The following PCCA variants were observed in gnomAD, a reference collection of about 807,000 sequenced individuals.
The protein encoded by PCCA is propionyl-CoA carboxylase subunit alpha.
PCCA carries 74 observed loss-of-function variants against 101.3 expected under a neutral mutation model. That is an observed-to-expected ratio of 0.73 (90% CI 0.61 to 0.89). The LOEUF is 0.89. Among genes scored for constraint, PCCA ranks in the 40% least tolerant of loss-of-function variants. The probability of loss-of-function intolerance (pLI) is 0.00; values close to 1 mark genes in which losing one functional copy is unlikely to be tolerated. For synonymous variants in PCCA, 294 were observed against 313.6 expected (o/e 0.94, Z 0.66); for missense variants, 891 against 907.0 (o/e 0.98, Z 0.23).
At chr13:100,147,683 A>C (rs1332927371) in intron 4 of PCCA, among the ~76,000 whole-genome samples, 1 of 152,176 alleles carries the variant, frequency 6.6e-6, no homozygotes, top group African/African-American at 2.4e-5. Flanking sequence ...TTAATCTTAA[A>C]GATTGCAAGC....
chr13:100,446,461 T>C (rs1448791638), intron 20 of PCCA, among the ~76,000 whole-genome samples: 1 of 152,236 alleles, frequency 6.6e-6, no homozygotes, highest in African/African-American at 2.4e-5. Context: ...GTACTATGCA[T>C]TTATCGTATT....
intron 1 of PCCA, among the ~76,000 whole-genome samples, chr13:100,091,032 G>A (rs2046236514): frequency 1.3e-5 from 2 of 152,154 alleles, no homozygotes; most frequent in Admixed American, 6.5e-5. Context: ...GTATGCAAAG[G>A]TCCTGTGGCC....
intron 19 of PCCA, among the ~76,000 whole-genome samples, chr13:100,395,429 A>AG: frequency 6.6e-6 from 1 of 152,346 alleles, no homozygotes; most frequent in South Asian, 2.1e-4. Flanking sequence ...TAATCAACAA[A>AG]GGCTTTAAAA....
At position 100,522,544 on chromosome 13, in the gene PCCA, C is replaced by T. The variant is rs577909775; in HGVS notation, c.2041-5131C>T. ...GGGCGGGGCGGCTCGATGCTGTGAA[C>T]GTCCCCTGGCCTCTATTTCAACGAT... On this transcript the variant is annotated intron_variant, in intron 22 of 23. Transcript: ENST00000376285. 1.5e-3 allele frequency among the ~76,000 whole-genome samples: 224 copies of T among 152,294 alleles called. 1 individual carries two copies. Among genetic ancestry groups the T allele is most frequent in the African/African-American group, 4.9e-3 (202 of 41,560 alleles).
At chr13:100,400,854 G>C (rs996546103) in intron 19 of PCCA, among the ~76,000 whole-genome samples, 2 of 151,928 alleles carry the variant, frequency 1.3e-5, no homozygotes, top group African/African-American at 4.8e-5. Context: ...TCGAACTCCT[G>C]ATCTCAGGTG....
intron 18 of PCCA, among the ~76,000 whole-genome samples, chr13:100,366,330 C>G (rs549261885): frequency 6.6e-6 from 1 of 152,132 alleles, no homozygotes; most frequent in Admixed American, 6.5e-5. Flanking sequence ...CACCTGTGCT[C>G]TTGCTCTCCT....
At chr13:100,452,562 C>A (rs1056353448) in intron 21 of PCCA, among the ~76,000 whole-genome samples, 9 of 152,218 alleles carry the variant, frequency 5.9e-5, no homozygotes, top group African/African-American at 1.2e-4. Context: ...TCAGTAGGCT[C>A]CTTCTGAAGG....
chr13:100,332,748 T>C (rs2069826174), intron 17 of PCCA, among the ~76,000 whole-genome samples: 1 of 152,202 alleles, frequency 6.6e-6, no homozygotes, highest in South Asian at 2.1e-4. Flanking sequence ...GCATATAATA[T>C]ATTACATTTC....
At chr13:100,333,786 A>G (rs995053034) in intron 17 of PCCA, among the ~76,000 whole-genome samples, 4 of 152,318 alleles carry the variant, frequency 2.6e-5, no homozygotes, top group Admixed American at 1.3e-4. Context: ...TCTGGTAAAA[A>G]TTTCACTCAA....
chr13:100,150,312 G>A (rs377135219), intron 4 of PCCA, among the ~76,000 whole-genome samples: 1 of 152,074 alleles, frequency 6.6e-6, no homozygotes, highest in African/African-American at 2.4e-5. Context: ...GATTGCAGGC[G>A]TGAGCTACTG....
intron 16 of PCCA, among the ~76,000 whole-genome samples, chr13:100,313,211 C>T (rs942889385): frequency 3.3e-5 from 5 of 152,052 alleles, no homozygotes; most frequent in South Asian, 2.1e-4. Flanking sequence ...AACATCATGG[C>T]GCATCACTCC....
intron 6 of PCCA, among the ~76,000 whole-genome samples, chr13:100,180,682 A>G (rs989400228): frequency 7.2e-5 from 11 of 152,206 alleles, no homozygotes; most frequent in Non-Finnish European, 1.6e-4. Flanking sequence ...TTCCCCTGGT[A>G]TTAATTACTA....
intron 19 of PCCA, among the ~76,000 whole-genome samples, chr13:100,400,630 C>CTTT (rs1281449669): frequency 2.2e-5 from 2 of 90,972 alleles, no homozygotes; most frequent in African/African-American, 1.1e-4. Context: ...CTTTTTAGTT[C>CTTT]TTTTTTTTTT....
intron 6 of PCCA, among the ~76,000 whole-genome samples, chr13:100,205,348 A>G (rs906812618): frequency 1.3e-5 from 2 of 152,224 alleles, no homozygotes; most frequent in Non-Finnish European, 2.9e-5. Flanking sequence ...ATGGGAGCCA[A>G]GAGCCTCTAA....
intron 7 of PCCA, among the ~76,000 whole-genome samples, chr13:100,221,979 C>A (rs1194975346): frequency 6.6e-6 from 1 of 151,972 alleles, no homozygotes; most frequent in Non-Finnish European, 1.5e-5. Flanking sequence ...TCAAGTGATC[C>A]ACCTGCCTTG....
At chr13:100,185,735 C>T (rs1198359511) in intron 6 of PCCA, among the ~76,000 whole-genome samples, 2 of 152,146 alleles carry the variant, frequency 1.3e-5, no homozygotes, top group Non-Finnish European at 2.9e-5. Context: ...GCAGCCTCCA[C>T]CTCCGAGGTT....
At chr13:100,237,544 A>G (rs563177257) in intron 8 of PCCA, 1 of 152,324 alleles carries the variant, frequency 6.6e-6, no homozygotes, top group South Asian at 2.1e-4. Flanking sequence ...GTTTCTGTTC[A>G]TGGTTTGAAA....
intron 22 of PCCA, 150 bp downstream of exon 22, chr13:100,515,717 G>T (rs775544078): frequency 2.1e-5 from 19 of 903,310 alleles, no homozygotes; most frequent in Non-Finnish European, 3.0e-5. Context: ...GTGTGTTGTC[G>T]ACCTGTTTCA....
At chr13:100,449,121 C>T in intron 20 of PCCA, 131 bp from the exon 21 acceptor site, 1 of 578,266 alleles carries the variant, frequency 1.7e-6, no homozygotes, top group East Asian at 3.0e-5. Context: ...TAATATTCCA[C>T]TGTATGGCTA....
Sources: gnomAD v4.1 joint callset for allele counts (sites outside exome capture counted in the v4.1 genomes callset) on GRCh38, gnomAD v4.1.1 for gene constraint, MANE v1.5 for transcripts, NCBI Gene and HGNC (gene_info 2026-07-23, HGNC 2026-07-21) for gene names.